The following PAX7 variants were observed in gnomAD, a reference collection of about 807,000 sequenced individuals.
PAX7 encodes paired box 7, also known as paired box protein Pax-7.
In PAX7, 18 loss-of-function variants were observed where a neutral mutation model predicts 50.7. The ratio of observed to expected loss-of-function variants is 0.36; its 90% CI spans 0.25 to 0.53. The LOEUF is 0.53. PAX7 is among the 20% of genes least tolerant of loss of function. The pLI is 0.93. For missense variants in PAX7, 644 were observed against 702.9 expected, an observed-to-expected ratio of 0.92 and a Z score of 0.95; for synonymous variants, 310 against 290.4, an observed-to-expected ratio of 1.07 and a Z score of -0.69.
Position 18,710,489 on chromosome 1 carries a change from G to A in PAX7, c.1155+7193G>A, listed in dbSNP as rs758170246. The stretch of plus-strand genomic sequence containing the variant: ...CAGGGACGAGGAAGGAGGAGGGAGC[G>A]AGAGATTTGTAGGCAGGAAGATGGG... On this transcript the variant is annotated intron_variant, in intron 7 of 8. Transcript: ENST00000420770. 5.9e-5 allele frequency among the ~76,000 whole-genome samples: 9 copies of A among 151,962 alleles called. No homozygotes were observed. In the South Asian group the frequency reaches 6.2e-4, roughly 11 times the overall value.
intron 4 of PAX7, among the ~76,000 whole-genome samples, chr1:18,686,713 T>G (rs998521342): frequency 1.3e-5 from 2 of 152,004 alleles, no homozygotes; most frequent in African/African-American, 4.8e-5. Flanking sequence ...GAAGTGAGGT[T>G]GATGTGGTGG....
intron 4 of PAX7, among the ~76,000 whole-genome samples, chr1:18,644,097 G>A (rs2088302526): frequency 6.6e-6 from 1 of 152,240 alleles, no homozygotes; most frequent in Admixed American, 6.5e-5. Flanking sequence ...CCTCTTCCAG[G>A]CTGCGAACGC....
chr1:18,681,695 ATTTTATTTTATTTTAT>A (rs1361315602), intron 4 of PAX7, among the ~76,000 whole-genome samples: 1 of 8,808 alleles, frequency 1.1e-4, no homozygotes, highest in African/African-American at 4.7e-4. Context: ...CTTAGAATTT[ATTTTATTTTATTTTAT>A]TTTATTTTAT....
At chr1:18,644,991 G>T (rs1029543664) in intron 4 of PAX7, among the ~76,000 whole-genome samples, 1 of 152,230 alleles carries the variant, frequency 6.6e-6, no homozygotes, top group Non-Finnish European at 1.5e-5. Context: ...TGAGCCAGGC[G>T]GTGGAGACAG....
intron 4 of PAX7, among the ~76,000 whole-genome samples, chr1:18,646,318 G>C (rs935013567): frequency 6.6e-6 from 1 of 152,152 alleles, no homozygotes; most frequent in Admixed American, 6.5e-5. Context: ...CCATACAGGG[G>C]ACACAGAGAG....
chr1:18,730,891 G>A (rs2089637886), intron 7 of PAX7, among the ~76,000 whole-genome samples: 1 of 151,834 alleles, frequency 6.6e-6, no homozygotes, highest in Non-Finnish European at 1.5e-5. Flanking sequence ...TGGAGTAGAG[G>A]GAGAGGAAGG....
At chr1:18,716,602 C>T (rs2089425005) in intron 7 of PAX7, among the ~76,000 whole-genome samples, 1 of 151,718 alleles carries the variant, frequency 6.6e-6, no homozygotes, top group South Asian at 2.1e-4. Context: ...GCCCCCTGTG[C>T]CACCACCCCC....
chr1:18,727,387 C>T (rs1157156433), intron 7 of PAX7, among the ~76,000 whole-genome samples: 186 of 151,520 alleles, frequency 1.2e-3, no homozygotes, highest in African/African-American at 4.4e-3. Flanking sequence ...CACACACACA[C>T]ACACACACAC....
intron 4 of PAX7, among the ~76,000 whole-genome samples, chr1:18,650,125 T>C (rs1280052876): frequency 6.6e-6 from 1 of 152,214 alleles, no homozygotes; most frequent in East Asian, 1.9e-4. Context: ...CATCCAAGGC[T>C]ACTCTGGAGG....
intron 7 of PAX7, among the ~76,000 whole-genome samples, chr1:18,708,375 C>A (rs1557543561): frequency 6.6e-6 from 1 of 151,854 alleles, no homozygotes; most frequent in Non-Finnish European, 1.5e-5. Context: ...AGCAACATAG[C>A]AAAACCCAGT....
chr1:18,733,712 A>G (rs1193535794), intron 7 of PAX7, among the ~76,000 whole-genome samples: 3 of 152,216 alleles, frequency 2.0e-5, no homozygotes, highest in Admixed American at 1.3e-4. Context: ...CACTCACCCC[A>G]CATTAGCTGC....
chr1:18,742,939 A>G (rs1931227201), intron 8 of PAX7, among the ~76,000 whole-genome samples: 2 of 152,172 alleles, frequency 1.3e-5, no homozygotes, highest in South Asian at 4.1e-4. Context: ...CATTCTGCAG[A>G]CAAGGAAGCA....
chr1:18,744,707 T>TGGAA, intron 8 of PAX7, 107 bp from the exon 9 acceptor site: 1 of 682,886 alleles, frequency 1.5e-6, no homozygotes, highest in Non-Finnish European at 2.7e-6. Flanking sequence ...GATGGATGGA[T>TGGAA]GGATGGATGG....
Position 18,745,368 on chromosome 1 carries a change from A to G in PAX7, c.*439A>G, listed in dbSNP as rs1444774170. 8.0e-6 allele frequency: 2 copies of G among 249,948 alleles called. No individual in the cohort carries two copies. Among genetic ancestry groups the G allele is most frequent in the African/African-American group, 2.2e-5 (1 of 45,468 alleles). The allele number at this position is 249,948 out of a possible 1,614,324, so 15.5% of individuals were successfully genotyped here. A position where few individuals can be genotyped will look rare whatever the true frequency, so the allele number is the denominator to read the frequency against. On this transcript the variant is annotated 3_prime_UTR_variant, in exon 9 of 9. Coordinates refer to ENST00000420770, the MANE Select transcript of PAX7 (RefSeq NM_001135254.2). ...AGCTTTCAGGGCTGCTCTCAGCTGG[A>G]TGTACTGGGAGCCAGCCCTGCAAGG...
At chr1:18,738,413 A>G (rs1244829536) in intron 8 of PAX7, among the ~76,000 whole-genome samples, 3 of 152,150 alleles carry the variant, frequency 2.0e-5, no homozygotes, top group East Asian at 3.9e-4. Context: ...CGGAAATAAA[A>G]TTAACCCCAA....
intron 7 of PAX7, among the ~76,000 whole-genome samples, chr1:18,714,395 C>G (rs1377755722): frequency 6.6e-6 from 1 of 152,062 alleles, no homozygotes; most frequent in Non-Finnish European, 1.5e-5. Flanking sequence ...TCATGTGAAA[C>G]CCTTAGTTCC....
chr1:18,659,939 T>C (rs1357960795), intron 4 of PAX7, among the ~76,000 whole-genome samples: 2 of 152,118 alleles, frequency 1.3e-5, no homozygotes, highest in African/African-American at 2.4e-5. Flanking sequence ...TGCAAAAGAA[T>C]TGGGAAAAGC....
rs887900981 is a variant in PAX7, at chr1:18,726,155, T to A, written c.1156-9477T>A. Among the ~76,000 whole-genome samples, 1 of 101,358 alleles carries A rather than the reference T, an allele frequency of 9.9e-6. No individual in the cohort carries two copies. Among genetic ancestry groups the A allele is most frequent in the African/African-American group, 4.2e-5 (1 of 23,652 alleles). The allele number at this position is 101,358 out of a possible 152,430, so 66.5% of individuals were successfully genotyped here. ...CATTGGAAGAGTGTGAGTGTGTGTG[T>A]GTGTGTGTGTGTGTGTGTGTGTGTC... is the stretch of plus-strand genomic sequence containing the variant. On this transcript the variant is annotated intron_variant, in intron 7 of 8. Coordinates refer to ENST00000420770, the MANE Select transcript of PAX7 (RefSeq NM_001135254.2). The surrounding 1 kb of genome is among the most constrained non-coding windows in gnomAD (Gnocchi z 4.8).
intron 6 of PAX7, among the ~76,000 whole-genome samples, chr1:18,702,006 T>C (rs1570194206): frequency 6.6e-6 from 1 of 152,190 alleles, no homozygotes; most frequent in Non-Finnish European, 1.5e-5. Flanking sequence ...AGAAGCCCTG[T>C]CCCAGCACAC....
Sources: gnomAD v4.1 joint callset for allele counts (sites outside exome capture counted in the v4.1 genomes callset) on GRCh38, gnomAD v4.1.1 for gene constraint, Gnocchi (gnomAD v3.1) non-coding constraint, MANE v1.5 for transcripts, NCBI Gene and HGNC (gene_info 2026-07-23, HGNC 2026-07-21) for gene names.